COL6A6: variants seen among roughly 807,000 people sequenced by gnomAD.
COL6A6 encodes the protein collagen type VI alpha 6 chain.
Under a neutral mutation model 208.6 loss-of-function variants are expected in COL6A6, and 183 were observed. The ratio of observed to expected loss-of-function variants is 0.88; its 90% CI spans 0.78 to 0.99. The LOEUF (loss-of-function observed/expected upper bound fraction) is 0.99. Among genes scored for constraint, COL6A6 ranks in the 50% least tolerant of loss-of-function variants. COL6A6 has a pLI of 0.00. For missense variants in COL6A6, 2,816 were observed against 2,815.2 expected, an observed-to-expected ratio of 1.00 and a Z score of -0.01; for synonymous variants, 973 against 1,011.8, an observed-to-expected ratio of 0.96 and a Z score of 0.73.
chr3:130,607,033 G>A (rs2064203674), intron 21 of COL6A6, 67 bp downstream of exon 21: 1 of 1,317,748 alleles, frequency 7.6e-7, no homozygotes. Flanking sequence ...CTGGAATAAA[G>A]TCTCTGTAAA....
At chr3:130,586,345 T>C (rs1286884280) in intron 10 of COL6A6, among the ~76,000 whole-genome samples, 161 bp from the exon 11 acceptor site, 1 of 152,262 alleles carries the variant, frequency 6.6e-6, no homozygotes, top group African/African-American at 2.4e-5. Context: ...ATTATAGTCT[T>C]GTCACTTGTC....
At chr3:130,644,941 C>G (rs1487144383) in intron 31 of COL6A6, 50 bp from the exon 32 acceptor site, 1 of 1,577,060 alleles carries the variant, frequency 6.3e-7, no homozygotes, top group Non-Finnish European at 8.7e-7. Context: ...ATACAGAACT[C>G]TCTTCTCCTA....
rs558531098 is a variant in COL6A6 at position 130,597,768 on chromosome 3, A to C, written c.4534-597A>C. On this transcript the variant is annotated intron_variant, in intron 18 of 36. Transcript: ENST00000358511. ...TTGCATGAATAGTGGGGAAAATTCA[A>C]AATTTCAGGATTTTTTGGAAACTGG... Among the ~76,000 whole-genome samples the C allele has an allele frequency of 2.0e-5, 3 of 152,302 alleles. No homozygotes were observed. The South Asian group carries it at 6.2e-4, about 32-fold the overall frequency.
chr3:130,656,538 T>G (rs1453971658), intron 33 of COL6A6, among the ~76,000 whole-genome samples: 2 of 152,282 alleles, frequency 1.3e-5, no homozygotes, highest in East Asian at 3.9e-4. Context: ...GCTGATTGAT[T>G]AATGGGAGGC....
chr3:130,652,458 C>T (rs2065672253), intron 33 of COL6A6, among the ~76,000 whole-genome samples: 1 of 152,154 alleles, frequency 6.6e-6, no homozygotes, highest in South Asian at 2.1e-4. Flanking sequence ...CAGAATTGCT[C>T]CCAAGTTTCA....
At chr3:130,592,816 G>T in intron 15 of COL6A6, 94 bp downstream of exon 15, 1 of 1,249,170 alleles carries the variant, frequency 8.0e-7, no homozygotes, top group Non-Finnish European at 1.1e-6. Context: ...TACAAATAAA[G>T]TTGTCATTGA....
chr3:130,595,299 GAATT>G (rs1345807231), intron 18 of COL6A6, among the ~76,000 whole-genome samples: 1 of 152,130 alleles, frequency 6.6e-6, no homozygotes, highest in Non-Finnish European at 1.5e-5. Context: ...AAACCTTAAT[GAATT>G]AAGATTTAGC....
chr3:130,594,172 T>C, intron 17 of COL6A6, 109 bp from the exon 18 acceptor site: 1 of 875,618 alleles, frequency 1.1e-6, no homozygotes. Context: ...AAAATAGCCT[T>C]TGTAGAAAAA....
rs566756076 is a variant in COL6A6, at chr3:130,529,437, A to C, written c.-32+12040A>C. On this transcript the variant is annotated intron_variant, in intron 1 of 36. Transcript: ENST00000358511. ...CATCCCTAGTATACAGATGAGGAAA[A>C]TGGAGCACAGAAAATGTATTGTGCA... is the stretch of plus-strand genomic sequence containing the variant. Among the ~76,000 whole-genome samples the C allele has an allele frequency of 3.3e-5, 5 of 152,322 alleles. No homozygotes were observed. In the East Asian group the frequency reaches 9.7e-4, roughly 29 times the overall value.
chr3:130,571,348 A>G lies in COL6A6; in HGVS notation c.2932A>G (p.Ile978Val), dbSNP rs749031882. 2.5e-6 allele frequency: 4 copies of G among 1,603,342 alleles called. No homozygotes were observed. Among genetic ancestry groups the G allele is most frequent in the African/African-American group, 1.3e-5 (1 of 74,444 alleles). ...GGAGACTTTTGGAGGTCTGAAGGGA[A>G]TATTTTCAGATGTGACAGCCAGTGT... Reference protein sequence around the residue: ...FVETFGGLKGIFSDVTASVCN... With the variant: ...FVETFGGLKGVFSDVTASVCN... Residue 978 changes from isoleucine to valine, a missense_variant, in exon 7 of 37, where the codon ATA (isoleucine) becomes GTA (valine). Ile to Val is a conservative substitution (Grantham distance 29, BLOSUM62 3). Transcript: ENST00000358511.
intron 8 of COL6A6, among the ~76,000 whole-genome samples, chr3:130,574,944 G>A (rs949965281): frequency 6.6e-6 from 1 of 152,168 alleles, no homozygotes; most frequent in African/African-American, 2.4e-5. Context: ...AACCTCCCTA[G>A]AGGTTTATAT....
chr3:130,675,125 AC>A, intron 36 of COL6A6, 76 bp from the exon 37 acceptor site: 1 of 960,202 alleles, frequency 1.0e-6, no homozygotes, highest in Non-Finnish European at 1.5e-6. Context: ...CAATTAATTT[AC>A]TATGACAGAT....
intron 34 of COL6A6, among the ~76,000 whole-genome samples, chr3:130,659,383 C>A (rs2065882576): frequency 6.6e-6 from 1 of 152,158 alleles, no homozygotes; most frequent in Non-Finnish European, 1.5e-5. Context: ...ACAGTGGAAG[C>A]CACTGGAATC....
chr3:130,573,889 T>A, intron 7 of COL6A6, 67 bp from the exon 8 acceptor site: 1 of 1,198,610 alleles, frequency 8.3e-7, no homozygotes. Context: ...AACATTGAAT[T>A]TACTCTTGGT....
At chr3:130,639,651 T>C (rs6791113) in intron 28 of COL6A6, among the ~76,000 whole-genome samples, 54,718 of 147,228 alleles carry the variant, frequency 0.37, 13,073 homozygotes, top group African/African-American at 0.66. Flanking sequence ...AAGATTGCAC[T>C]ACTGCATTCG....
intron 1 of COL6A6, among the ~76,000 whole-genome samples, chr3:130,525,542 T>C (rs2061942582): frequency 6.6e-6 from 1 of 152,234 alleles, no homozygotes; most frequent in Admixed American, 6.5e-5. Flanking sequence ...ACAAATCGTT[T>C]CAAGTATTTT....
Position 130,541,269 on chromosome 3 carries a change from G to A in COL6A6, c.-31-19065G>A, listed in dbSNP as rs77016422. On this transcript the variant is annotated intron_variant, in intron 1 of 36. Coordinates refer to ENST00000358511, the MANE Select transcript of COL6A6 (RefSeq NM_001102608.3). ...AATCAGAGCCACAGTGATCAGATTG[G>A]CTTTTTTCACTTAGCAATAAACACT... Among the ~76,000 whole-genome samples the A allele has an allele frequency of 9.8e-4, 150 of 152,300 alleles. No homozygotes were observed. The East Asian group carries it at 0.02, about 21-fold the overall frequency.
intron 33 of COL6A6, among the ~76,000 whole-genome samples, chr3:130,654,275 C>T (rs1488126974): frequency 6.6e-6 from 1 of 151,380 alleles, no homozygotes; most frequent in Non-Finnish European, 1.5e-5. Context: ...TTCCTGATTT[C>T]TTCTAGATCA....
intron 1 of COL6A6, among the ~76,000 whole-genome samples, chr3:130,559,874 G>A (rs2062842695): frequency 6.6e-6 from 1 of 152,136 alleles, no homozygotes; most frequent in Non-Finnish European, 1.5e-5. Flanking sequence ...GAAAAAACGT[G>A]TAATTTTGAT....
Sources: gnomAD v4.1 joint callset for allele counts (sites outside exome capture counted in the v4.1 genomes callset) on GRCh38, gnomAD v4.1.1 for gene constraint, MANE v1.5 for transcripts, NCBI Gene and HGNC (gene_info 2026-07-23, HGNC 2026-07-21) for gene names.